HS6ST3: variants seen among roughly 807,000 people sequenced by gnomAD.
HS6ST3 encodes the protein heparan-sulfate 6-O-sulfotransferase 3.
In HS6ST3, 12 loss-of-function variants were observed where a neutral mutation model predicts 36.7. The ratio of observed to expected loss-of-function variants is 0.33; its 90% CI spans 0.21 to 0.53. The LOEUF (loss-of-function observed/expected upper bound fraction) is 0.53. Ranked by LOEUF, HS6ST3 falls within the 20% of genes least tolerant of loss-of-function variation. HS6ST3 has a pLI of 0.95. For missense variants in HS6ST3, 584 were observed against 640.9 expected, an observed-to-expected ratio of 0.91 and a Z score of 0.96; for synonymous variants, 240 against 257.5, an observed-to-expected ratio of 0.93 and a Z score of 0.65.
intron 1 of HS6ST3, among the ~76,000 whole-genome samples, chr13:96,648,112 A>G (rs1475683611): frequency 6.6e-6 from 1 of 152,066 alleles, no homozygotes; most frequent in Admixed American, 6.6e-5. Context: ...TTGGTAGCTC[A>G]AAATTGGCCA....
chr13:96,706,664 G>T, intron 1 of HS6ST3, among the ~76,000 whole-genome samples: 1 of 151,794 alleles, frequency 6.6e-6, no homozygotes, highest in South Asian at 2.1e-4. Flanking sequence ...ACTGACCATT[G>T]CCCCCAACAA....
At chr13:96,409,647 G>A (rs2055497257) in intron 1 of HS6ST3, among the ~76,000 whole-genome samples, 1 of 152,148 alleles carries the variant, frequency 6.6e-6, no homozygotes, top group Non-Finnish European at 1.5e-5. Context: ...TGTTTATCGA[G>A]TGCTTCTAAC....
At chr13:96,168,098 T>C (rs1173554274) in intron 1 of HS6ST3, among the ~76,000 whole-genome samples, 2 of 152,224 alleles carry the variant, frequency 1.3e-5, no homozygotes, top group Non-Finnish European at 2.9e-5. Flanking sequence ...TCTTGGAATA[T>C]TAAAATAATC....
chr13:96,317,736 T>C (rs912938259), intron 1 of HS6ST3, among the ~76,000 whole-genome samples: 3 of 151,534 alleles, frequency 2.0e-5, no homozygotes, highest in African/African-American at 7.3e-5. Context: ...TTTTTTTTTT[T>C]ACTTTTTGTA....
intron 1 of HS6ST3, among the ~76,000 whole-genome samples, chr13:96,647,452 G>A (rs1393735039): frequency 6.6e-6 from 1 of 151,914 alleles, no homozygotes; most frequent in Non-Finnish European, 1.5e-5. Flanking sequence ...CTTTCCTAAT[G>A]CCCTTTTTTT....
chr13:96,251,960 T>A (rs1328272946), intron 1 of HS6ST3, among the ~76,000 whole-genome samples: 9 of 152,162 alleles, frequency 5.9e-5, no homozygotes, highest in Non-Finnish European at 8.8e-5. Flanking sequence ...TTAAGACTGG[T>A]TTTTAGTATA....
At chr13:96,452,040 A>C (rs184316322) in intron 1 of HS6ST3, among the ~76,000 whole-genome samples, 1 of 152,220 alleles carries the variant, frequency 6.6e-6, no homozygotes, top group Non-Finnish European at 1.5e-5. Context: ...AGCTGGCACA[A>C]GAAAACTCTG....
chr13:96,720,812 A>G (rs1381204894), intron 1 of HS6ST3, among the ~76,000 whole-genome samples: 2 of 152,196 alleles, frequency 1.3e-5, no homozygotes, highest in Non-Finnish European at 2.9e-5. Context: ...TATGTTTTGC[A>G]GTATTTTGAA....
chr13:96,624,060 G>C (rs1254996797), intron 1 of HS6ST3, among the ~76,000 whole-genome samples: 3 of 151,958 alleles, frequency 2.0e-5, no homozygotes. Context: ...TATGGTATTA[G>C]GTAAAATATG....
chr13:96,784,627 A>C (rs1877600251), intron 1 of HS6ST3, among the ~76,000 whole-genome samples: 1 of 152,190 alleles, frequency 6.6e-6, no homozygotes, highest in Non-Finnish European at 1.5e-5. Flanking sequence ...TTCAAAATGC[A>C]TTTTATGGCT....
chr13:96,416,387 T>C (rs1031705789), intron 1 of HS6ST3, among the ~76,000 whole-genome samples: 3 of 152,194 alleles, frequency 2.0e-5, no homozygotes, highest in African/African-American at 7.2e-5. Flanking sequence ...AGTCTAATAC[T>C]AAGAGTCATA....
chr13:96,294,824 G>T (rs1387304436), intron 1 of HS6ST3, among the ~76,000 whole-genome samples: 1 of 151,992 alleles, frequency 6.6e-6, no homozygotes, highest in East Asian at 1.9e-4. Context: ...ATAAAAACGT[G>T]GATCTTGGTA....
chr13:96,668,752 A>C (rs2056673527), intron 1 of HS6ST3, among the ~76,000 whole-genome samples: 1 of 110,138 alleles, frequency 9.1e-6, no homozygotes, highest in Non-Finnish European at 1.7e-5. Context: ...GTTGTTATGC[A>C]CATTCAACCT....
chr13:96,683,813 A>T (rs771035018), intron 1 of HS6ST3, among the ~76,000 whole-genome samples: 2 of 152,248 alleles, frequency 1.3e-5, no homozygotes, highest in Non-Finnish European at 2.9e-5. Context: ...CTTCAGTTTA[A>T]TAAACTTTGT....
chr13:96,567,459 C>T (rs756443874), intron 1 of HS6ST3, among the ~76,000 whole-genome samples: 6 of 151,940 alleles, frequency 3.9e-5, no homozygotes, highest in South Asian at 4.1e-4. Context: ...AAAAAATCTG[C>T]GGGGAAGTAA....
At chr13:96,176,997 G>A (rs139399672) in intron 1 of HS6ST3, among the ~76,000 whole-genome samples, 51 of 152,200 alleles carry the variant, frequency 3.4e-4, no homozygotes, top group East Asian at 1.5e-3. Context: ...AGACATACAC[G>A]CGGCCAACTA....
At chr13:96,700,457 TATC>T (rs1354338841) in intron 1 of HS6ST3, among the ~76,000 whole-genome samples, 1 of 152,162 alleles carries the variant, frequency 6.6e-6, no homozygotes, top group Non-Finnish European at 1.5e-5. Flanking sequence ...AGCCAAACCA[TATC>T]ATCTCCCTTG....
intron 1 of HS6ST3, among the ~76,000 whole-genome samples, chr13:96,528,159 C>G (rs2056121618): frequency 6.6e-6 from 1 of 152,166 alleles, no homozygotes; most frequent in African/African-American, 2.4e-5. Context: ...GCTGCATACT[C>G]AGATAAAATG....
intron 1 of HS6ST3, among the ~76,000 whole-genome samples, chr13:96,502,172 C>G (rs2138913735): frequency 6.6e-6 from 1 of 152,230 alleles, no homozygotes; most frequent in African/African-American, 2.4e-5. Flanking sequence ...TGTTCCTGAC[C>G]AGATTGGAGA....
Sources: gnomAD v4.1 joint callset for allele counts (sites outside exome capture counted in the v4.1 genomes callset) on GRCh38, gnomAD v4.1.1 for gene constraint, MANE v1.5 for transcripts, NCBI Gene and HGNC (gene_info 2026-07-23, HGNC 2026-07-21) for gene names.